PDK1: variants seen among roughly 807,000 people sequenced by gnomAD.
The protein encoded by PDK1 is [Pyruvate dehydrogenase (acetyl-transferring)] kinase isozyme 1, mitochondrial.
Under a neutral mutation model 54.2 loss-of-function variants are expected in PDK1, and 39 were observed. The ratio of observed to expected loss-of-function variants is 0.72; its 90% CI spans 0.56 to 0.94. The LOEUF (loss-of-function observed/expected upper bound fraction) is 0.94. PDK1 is among the 40% of genes least tolerant of loss of function. The pLI is 0.00. For synonymous variants in PDK1, 221 were observed against 207.1 expected (o/e 1.07, Z -0.58); for missense variants, 552 against 566.0 (o/e 0.98, Z 0.25).
At chr2:172,575,065 A>T (rs531298896) in intron 8 of PDK1, among the ~76,000 whole-genome samples, 2 of 152,248 alleles carry the variant, frequency 1.3e-5, no homozygotes, top group East Asian at 3.9e-4. Flanking sequence ...GAGTGTTTTT[A>T]TCATGAAAGG....
chr2:172,668,945 A>AGAGAGAGAGAGG, the PDK1 span, among the ~76,000 whole-genome samples: 5 of 147,344 alleles, frequency 3.4e-5, no homozygotes, highest in South Asian at 2.2e-4. Flanking sequence ...AGAGAAAGAG[A>AGAGAGAGAGAGG]GAGAGACGGA....
At chr2:172,656,587 A>C in the PDK1 span, among the ~76,000 whole-genome samples, 1 of 152,160 alleles carries the variant, frequency 6.6e-6, no homozygotes, top group Non-Finnish European at 1.5e-5. Flanking sequence ...TGTTAAAGAA[A>C]ACAAAGCCTC....
chr2:172,566,472 G>A (rs1207973042), intron 5 of PDK1, among the ~76,000 whole-genome samples: 25 of 151,978 alleles, frequency 1.6e-4, no homozygotes, highest in Admixed American at 1.2e-3. Flanking sequence ...CAGGAGAATC[G>A]CTTGAACCAG....
chr2:172,691,020 C>T, the PDK1 span, among the ~76,000 whole-genome samples: 12 of 150,334 alleles, frequency 8.0e-5, no homozygotes, highest in Non-Finnish European at 1.3e-4. Flanking sequence ...AATAAAAGTT[C>T]TCCAAGTCCC....
chr2:172,562,387 G>GAT lies in PDK1; in HGVS notation c.410+101_410+102dup. ...AGGTTTCTACTACTTTAGAACATGT[G>GAT]ATATATGTGACTGTAGCAGCCCATA... On this transcript the variant is annotated intron_variant, in intron 3 of 10. Transcript: ENST00000282077. The GAT allele has an allele frequency of 5.2e-6, 4 of 773,904 alleles. No homozygotes were observed. The East Asian group carries it at 9.8e-5, about 19-fold the overall frequency. The allele number at this position is 773,904 out of a possible 1,614,324, so 47.9% of individuals were successfully genotyped here. A position where few individuals can be genotyped will look rare whatever the true frequency, so the allele number is the denominator to read the frequency against.
intron 7 of PDK1, 152 bp from the exon 8 acceptor site, chr2:172,570,574 A>C (rs1186514705): frequency 2.1e-6 from 1 of 485,330 alleles, no homozygotes; most frequent in African/African-American, 2.0e-5. Flanking sequence ...GACTCCATTA[A>C]AAAAAAAACT....
chr2:172,654,829 A>G, the PDK1 span, among the ~76,000 whole-genome samples: 40 of 152,262 alleles, frequency 2.6e-4, no homozygotes, highest in East Asian at 7.5e-3. Context: ...AAGCAAGTCT[A>G]CGGCCTCCCT....
the PDK1 span, among the ~76,000 whole-genome samples, chr2:172,633,501 T>C: frequency 6.6e-6 from 1 of 151,496 alleles, no homozygotes; most frequent in Non-Finnish European, 1.5e-5. Flanking sequence ...GCACTGCTGA[T>C]TCTGATAATT....
the PDK1 span, among the ~76,000 whole-genome samples, chr2:172,632,025 C>G: frequency 0.053 from 8,035 of 152,148 alleles, 410 homozygotes; most frequent in East Asian, 0.22. Flanking sequence ...CCTGTAATCC[C>G]AGCACTTTGG....
At chr2:172,557,571 G>C (rs1477001104) in intron 1 of PDK1, among the ~76,000 whole-genome samples, 2 of 151,594 alleles carry the variant, frequency 1.3e-5, no homozygotes, top group Non-Finnish European at 2.9e-5. Flanking sequence ...GAATTTTGCT[G>C]TTGCTTGAAA....
chr2:172,558,157 C>T (rs1164505957), intron 1 of PDK1: 2 of 152,164 alleles, frequency 1.3e-5, no homozygotes, highest in African/African-American at 4.8e-5. Flanking sequence ...TTTTTTAAGG[C>T]TGGTCAAGTT....
chr2:172,661,626 T>A, the PDK1 span, among the ~76,000 whole-genome samples: 1 of 152,222 alleles, frequency 6.6e-6, no homozygotes, highest in Non-Finnish European at 1.5e-5. Context: ...TGCTATGTAG[T>A]CATAAAAAAT....
At chr2:172,568,014 C>T (rs1689047077) in intron 6 of PDK1, among the ~76,000 whole-genome samples, 1 of 152,140 alleles carries the variant, frequency 6.6e-6, no homozygotes, top group African/African-American at 2.4e-5. Context: ...ATATTCCACC[C>T]AGGTGAAACA....
chr2:172,647,730 C>A, the PDK1 span, among the ~76,000 whole-genome samples: 1 of 152,176 alleles, frequency 6.6e-6, no homozygotes, highest in Non-Finnish European at 1.5e-5. Flanking sequence ...CAGGCAAGAT[C>A]CATTGATGGA....
At chr2:172,626,093 T>G in the PDK1 span, among the ~76,000 whole-genome samples, 120 of 152,356 alleles carry the variant, frequency 7.9e-4, 1 homozygote, top group African/African-American at 2.9e-3. Context: ...CTTGGGAGAT[T>G]ATAATATCTC....
chr2:172,572,969 A>AT (rs1278137206), intron 8 of PDK1, among the ~76,000 whole-genome samples: 4 of 152,206 alleles, frequency 2.6e-5, no homozygotes, highest in Non-Finnish European at 5.9e-5. Flanking sequence ...TTATATGGAT[A>AT]TAACACCTTT....
chr2:172,579,200 TAATC>T (rs1184328060), intron 8 of PDK1, among the ~76,000 whole-genome samples: 1 of 152,174 alleles, frequency 6.6e-6, no homozygotes, highest in Non-Finnish European at 1.5e-5. Flanking sequence ...GCCCTCAAAT[TAATC>T]AGTTACTTCT....
chr2:172,648,118 G>A, the PDK1 span, among the ~76,000 whole-genome samples: 1 of 152,154 alleles, frequency 6.6e-6, no homozygotes, highest in African/African-American at 2.4e-5. Context: ...CATGCAACGT[G>A]GGAAGCTGAC....
the PDK1 span, among the ~76,000 whole-genome samples, chr2:172,637,372 A>T: frequency 6.6e-6 from 1 of 152,144 alleles, no homozygotes; most frequent in Admixed American, 6.5e-5. Flanking sequence ...ATTTCTCTTC[A>T]CTGGATATTC....
Sources: gnomAD v4.1 joint callset for allele counts (sites outside exome capture counted in the v4.1 genomes callset) on GRCh38, gnomAD v4.1.1 for gene constraint, MANE v1.5 for transcripts, NCBI Gene and HGNC (gene_info 2026-07-23, HGNC 2026-07-21) for gene names.